The following DDX60L variants were observed in gnomAD, a reference collection of about 807,000 sequenced individuals.
DDX60L encodes DExD/H-box 60 like, also known as probable ATP-dependent RNA helicase DDX60-like.
A neutral mutation model predicts 211.6 loss-of-function variants in DDX60L; 191 were observed. The observed-to-expected ratio is 0.90, with a 90% CI of 0.80 to 1.02. The LOEUF (loss-of-function observed/expected upper bound fraction) is 1.02. Ranked by LOEUF, DDX60L falls within the 50% of genes least tolerant of loss-of-function variation. The pLI, the probability that DDX60L is intolerant of heterozygous loss-of-function variation, is 0.00. For synonymous variants in DDX60L, 706 were observed against 694.1 expected (o/e 1.02, Z -0.27); for missense variants, 2,007 against 1,984.1 (o/e 1.01, Z -0.22).
chr4:168,467,203 G>T (rs1015444696), intron 4 of DDX60L, among the ~76,000 whole-genome samples: 1 of 152,066 alleles, frequency 6.6e-6, no homozygotes, highest in Non-Finnish European at 1.5e-5. Context: ...GACCTTGGGA[G>T]TTGGAGACTA....
At chr4:168,471,542 T>A in intron 4 of DDX60L, 1 of 410,380 alleles carries the variant, frequency 2.4e-6, no homozygotes, top group Non-Finnish European at 4.2e-6. Context: ...GAACATAGAG[T>A]TGAGGGAAAA....
At chr4:168,411,295 G>T (rs1320502094) in intron 22 of DDX60L, among the ~76,000 whole-genome samples, 1 of 152,182 alleles carries the variant, frequency 6.6e-6, no homozygotes, top group Non-Finnish European at 1.5e-5. Flanking sequence ...TTTTAACTCT[G>T]TATCACTGAA....
Position 168,430,595 on chromosome 4 carries a change from A to T in DDX60L, c.1560T>A (p.Ile520=), listed in dbSNP as rs752031954. The change falls in exon 13 of 38, where the codon ATT becomes ATA. Residue 520 remains isoleucine, a synonymous_variant. Coordinates refer to ENST00000682922, the MANE Select transcript of DDX60L (RefSeq NM_001012967.3). ...DPHVLDFLKK[I]QDYQQFYGKS... is the part of the protein sequence containing the mutation. Reference sequence around the variant, plus strand: ...TCCCATAAAATTGCTGATAATCCTGAATCTTTTTCAGGAAATCAAGAACAT... The same window carrying T: ...TCCCATAAAATTGCTGATAATCCTGTATCTTTTTCAGGAAATCAAGAACAT... The T allele has an allele frequency of 1.3e-6, 2 of 1,586,968 alleles. No homozygotes were observed. The highest frequency in any genetic ancestry group is 1.7e-6 in the Non-Finnish European group (2 of 1,166,336).
chr4:168,437,500 AC>A (rs925522894), intron 10 of DDX60L, among the ~76,000 whole-genome samples: 3 of 148,760 alleles, frequency 2.0e-5, no homozygotes, highest in African/African-American at 7.8e-5. Flanking sequence ...AACTGAATGG[AC>A]CCCCTAATGG....
chr4:168,450,721 G>A (rs964904413), intron 8 of DDX60L, among the ~76,000 whole-genome samples: 2 of 152,096 alleles, frequency 1.3e-5, no homozygotes, highest in Non-Finnish European at 2.9e-5. Flanking sequence ...TTCAAGACCA[G>A]CCTTGGCAAC....
chr4:168,442,031 T>C (rs944552914), intron 9 of DDX60L, among the ~76,000 whole-genome samples: 5 of 152,122 alleles, frequency 3.3e-5, no homozygotes, highest in Non-Finnish European at 7.4e-5. Context: ...AGCTCTGGTC[T>C]ACAGCTCCCA....
Position 168,384,804 on chromosome 4 carries a change from AC to A in DDX60L, c.3923del (p.Gly1308ValfsTer24). 1 of 1,612,596 alleles carries A rather than the reference AC, an allele frequency of 6.2e-7. No homozygotes were observed. The highest frequency in any genetic ancestry group is 1.7e-5 in the Admixed American group (1 of 59,730). ...LDALNYRQMS[G>X]RAGRRGQDLL... ...GGTCTTGACCTCTTCTTCCAGCACG[AC>A]CAGACATCTGGAAGCAGCAAAGAAT... is the stretch of plus-strand genomic sequence containing the variant. On this transcript the variant is annotated frameshift_variant, in exon 30 of 38. Transcript: ENST00000682922. LOFTEE classifies it high-confidence loss of function.
chr4:168,471,886 T>C lies in DDX60L; in HGVS notation c.125A>G (p.Asp42Gly), dbSNP rs773768145. Reference sequence around the variant, plus strand: ...GCATGTGACAAGCAAGGAATCTCCATCAATCACAAAAAAATTAGATTCCAC... The same window carrying C: ...GCATGTGACAAGCAAGGAATCTCCACCAATCACAAAAAAATTAGATTCCAC... ...DFVESNFFVI[D>G]GDSLLVTCLG... The change falls in exon 4 of 38, where the codon GAT (aspartate) becomes GGT (glycine). Residue 42 changes from aspartate to glycine, a missense_variant. By Grantham distance (94) the Asp-to-Gly change is moderately conservative (BLOSUM62 -1). Coordinates refer to ENST00000682922, the MANE Select transcript of DDX60L (RefSeq NM_001012967.3). 6.2e-7 allele frequency: 1 copy of C among 1,610,686 alleles called. No individual in the cohort carries two copies. The highest frequency in any genetic ancestry group is 8.5e-7 in the Non-Finnish European group (1 of 1,179,192).
At chr4:168,413,877 C>G (rs1561017297) in intron 22 of DDX60L, among the ~76,000 whole-genome samples, 1 of 151,964 alleles carries the variant, frequency 6.6e-6, no homozygotes, top group Non-Finnish European at 1.5e-5. Flanking sequence ...TACTCATATA[C>G]AAGAAGATAT....
Position 168,472,798 on chromosome 4 carries a change from T to G in DDX60L, c.-99A>C. 4.6e-6 allele frequency: 6 copies of G among 1,305,076 alleles called. No homozygotes were observed. In the South Asian group the frequency reaches 7.6e-5, roughly 17 times the overall value. 80.8% of individuals were successfully genotyped at this position (1,305,076 alleles called of 1,614,324 possible). On this transcript the variant is annotated 5_prime_UTR_variant, in exon 2 of 38. Transcript: ENST00000682922. ...ACCTCTAAAATGGCTACATTTGATG[T>G]GAATGGCACCTCTGTAATAAAAGAA... is the stretch of plus-strand genomic sequence containing the variant.
At position 168,415,707 on chromosome 4, in the gene DDX60L, T is replaced by C; in HGVS notation, c.2819A>G (p.Asn940Ser). Residue 940 changes from asparagine (N) to serine (S), a missense_variant, in exon 21 of 38, where the codon AAC becomes AGC. Coordinates refer to ENST00000682922, the MANE Select transcript of DDX60L (RefSeq NM_001012967.3). ...TTTATATGAATGGTCTTGGAGAAAG[T>C]TGAGACATTTGTCAGCCTGTTTTTC... ...ISEKQADKCLNFLQDHSYKNQ... is the reference protein window; with the variant it reads ...ISEKQADKCLSFLQDHSYKNQ... 1 of 1,604,368 alleles carries C rather than the reference T, an allele frequency of 6.2e-7. No homozygotes were observed. Among genetic ancestry groups the C allele is most frequent in the Non-Finnish European group, 8.5e-7 (1 of 1,174,458 alleles).
In DDX60L at chr4:168,408,996, A is replaced by C. The variant is rs1873136; in HGVS notation, c.2980-2290T>G. On this transcript the variant is annotated intron_variant, in intron 22 of 37. Transcript: ENST00000682922. ...CAATGTATTCTGCTTCCCCTCATGA[A>C]TGAACAATTTCAGTGTAATCTCATG... Among the ~76,000 whole-genome samples, 563 of 152,322 alleles carry C rather than the reference A, an allele frequency of 3.7e-3. 4 individuals carry two copies. The highest frequency in any genetic ancestry group is 0.012 in the African/African-American group (517 of 41,562).
intron 4 of DDX60L, among the ~76,000 whole-genome samples, chr4:168,471,046 C>A (rs955108030): frequency 2.6e-5 from 4 of 151,950 alleles, no homozygotes; most frequent in Non-Finnish European, 4.4e-5. Flanking sequence ...TGCCAAAGAT[C>A]GTTAAATGGC....
chr4:168,400,799 T>A, intron 26 of DDX60L, 27 bp downstream of exon 26: 1 of 1,576,112 alleles, frequency 6.3e-7, no homozygotes, highest in Non-Finnish European at 8.6e-7. Flanking sequence ...CAGGGGCCAA[T>A]TTGTTTAAGT....
chr4:168,437,483 C>T (rs1375132444), intron 10 of DDX60L, among the ~76,000 whole-genome samples: 1 of 150,930 alleles, frequency 6.6e-6, no homozygotes, highest in Non-Finnish European at 1.5e-5. Flanking sequence ...GTCCAACCCC[C>T]GCAACTAACT....
At chr4:168,385,961 G>A (rs2029382) in intron 29 of DDX60L, among the ~76,000 whole-genome samples, 145,883 of 151,582 alleles carry the variant, frequency 0.96, 70,446 homozygotes, top group East Asian at 1. Context: ...AAGGAGAGAG[G>A]GAGGGAGTGA....
At chr4:168,404,147 ATTTGTGG>A in intron 24 of DDX60L, 41 bp from the exon 25 acceptor site, 18 of 1,199,262 alleles carry the variant, frequency 1.5e-5, no homozygotes, top group South Asian at 2.2e-5. Flanking sequence ...AAAAAAAAGA[ATTTGTGG>A]AAACAGAAGA....
chr4:168,373,916 G>C (rs1451947643), intron 34 of DDX60L, 108 bp from the exon 35 acceptor site: 2 of 1,089,304 alleles, frequency 1.8e-6, no homozygotes, highest in East Asian at 4.8e-5. Flanking sequence ...CATCTCATCA[G>C]AATGAAAACT....
At chr4:168,480,353 C>A (rs1402083502) in intron 1 of DDX60L, 24 bp downstream of exon 1, 1 of 152,468 alleles carries the variant, frequency 6.6e-6, no homozygotes, top group Non-Finnish European at 1.5e-5. Context: ...CCTAGCGACA[C>A]CCGACGTCAC....
Sources: gnomAD v4.1 joint callset for allele counts (sites outside exome capture counted in the v4.1 genomes callset) on GRCh38, gnomAD v4.1.1 for gene constraint, MANE v1.5 for transcripts, NCBI Gene and HGNC (gene_info 2026-07-23, HGNC 2026-07-21) for gene names.